Variants in TENM2 observed in about 807,000 individuals in gnomAD.
TENM2 encodes teneurin transmembrane protein 2.
Under a neutral mutation model 245.2 loss-of-function variants are expected in TENM2, and 52 were observed. The ratio of observed to expected loss-of-function variants is 0.21; its 90% CI spans 0.17 to 0.27. The LOEUF (loss-of-function observed/expected upper bound fraction) is 0.27, where lower values mean the gene tolerates loss of function less well. Ranked by LOEUF, TENM2 falls within the 10% of genes least tolerant of loss-of-function variation. TENM2 has a pLI of 1.00. For synonymous variants in TENM2, 1,363 were observed against 1,438.9 expected (o/e 0.95, Z 1.19); for missense variants, 3,046 against 3,666.8 (o/e 0.83, Z 4.37).
chr5:167,506,497 G>T (rs1180012155), intron 2 of TENM2, among the ~76,000 whole-genome samples: 13 of 152,026 alleles, frequency 8.6e-5, no homozygotes, highest in Non-Finnish European at 1.3e-4. Flanking sequence ...AAAATAATTT[G>T]GTATCTTATC....
intron 1 of TENM2, among the ~76,000 whole-genome samples, chr5:167,333,794 T>A (rs898545539): frequency 6.6e-6 from 1 of 152,184 alleles, no homozygotes; most frequent in Non-Finnish European, 1.5e-5. Context: ...AACCTGCCTC[T>A]TAGAAAATCA....
the TENM2 span, among the ~76,000 whole-genome samples, chr5:167,238,693 G>GAAA: frequency 1.2e-5 from 1 of 86,480 alleles, no homozygotes; most frequent in African/African-American, 6.8e-5. Flanking sequence ...TACAGGAGAT[G>GAAA]CAAAAAAAAA....
intron 2 of TENM2, among the ~76,000 whole-genome samples, chr5:167,859,744 C>A: frequency 1.0e-5 from 1 of 97,174 alleles, no homozygotes; most frequent in East Asian, 3.6e-4. Context: ...GGGGGATCAG[C>A]CCCCCGCCCG....
At chr5:167,454,676 T>C (rs1215506114) in intron 2 of TENM2, among the ~76,000 whole-genome samples, 1 of 152,192 alleles carries the variant, frequency 6.6e-6, no homozygotes, top group African/African-American at 2.4e-5. Context: ...CCGTTGGTTC[T>C]ATTTTCCTCT....
intron 20 of TENM2, among the ~76,000 whole-genome samples, chr5:168,213,739 C>T (rs747627614): frequency 1.3e-5 from 2 of 151,978 alleles, no homozygotes; most frequent in Non-Finnish European, 2.9e-5. Context: ...GAGGCTGAGG[C>T]GGGAGGACCA....
At chr5:167,121,329 G>T in the TENM2 span, among the ~76,000 whole-genome samples, 1 of 152,102 alleles carries the variant, frequency 6.6e-6, no homozygotes, top group Non-Finnish European at 1.5e-5. Context: ...CAGTGGGGTG[G>T]CCAGTTAGGG....
chr5:167,367,765 A>G (rs1033899101), intron 1 of TENM2, among the ~76,000 whole-genome samples: 2 of 152,142 alleles, frequency 1.3e-5, no homozygotes, highest in African/African-American at 4.8e-5. Flanking sequence ...AATGCGAGAT[A>G]ACAATTTGGC....
At chr5:168,074,900 A>C (rs1791331738) in intron 7 of TENM2, among the ~76,000 whole-genome samples, 1 of 152,204 alleles carries the variant, frequency 6.6e-6, no homozygotes, top group African/African-American at 2.4e-5. Flanking sequence ...AATCAACTTA[A>C]TTTAGGTATA....
intron 2 of TENM2, among the ~76,000 whole-genome samples, chr5:167,717,181 C>T (rs1233559881): frequency 6.6e-6 from 1 of 151,998 alleles, no homozygotes. Flanking sequence ...GCCTCGAACT[C>T]CTGGCCTCAA....
chr5:167,702,552 G>GTA (rs374895330), intron 2 of TENM2, among the ~76,000 whole-genome samples: 6,323 of 136,716 alleles, frequency 0.046, 327 homozygotes, highest in African/African-American at 0.14. Flanking sequence ...GTGTGTGTGT[G>GTA]TATATATATA....
chr5:167,575,341 T>G (rs760081857), intron 2 of TENM2, among the ~76,000 whole-genome samples: 1 of 152,180 alleles, frequency 6.6e-6, no homozygotes, highest in African/African-American at 2.4e-5. Flanking sequence ...CTTCAGTACC[T>G]GTACTAGGTT....
At chr5:168,237,030 T>C (rs1765566958) in intron 25 of TENM2, among the ~76,000 whole-genome samples, 1 of 82,924 alleles carries the variant, frequency 1.2e-5, no homozygotes, top group Non-Finnish European at 2.3e-5. Flanking sequence ...TTTTTTTTTT[T>C]TTTGAGACAG....
intron 1 of TENM2, among the ~76,000 whole-genome samples, chr5:167,336,189 T>TA: frequency 6.8e-6 from 1 of 147,706 alleles, no homozygotes; most frequent in East Asian, 2.0e-4. Context: ...TTTTTTTTTT[T>TA]TTTTTTTTTT....
intron 2 of TENM2, among the ~76,000 whole-genome samples, chr5:167,446,593 C>T (rs1199088907): frequency 6.6e-6 from 1 of 152,050 alleles, no homozygotes; most frequent in East Asian, 1.9e-4. Flanking sequence ...TCTTAGTTTG[C>T]CTGAACTGTT....
chr5:167,435,154 G>T (rs1262606025), intron 2 of TENM2, among the ~76,000 whole-genome samples: 1 of 97,724 alleles, frequency 1.0e-5, no homozygotes, highest in African/African-American at 4.4e-5. Flanking sequence ...GTAGTTTCAT[G>T]GGGGGGAAAG....
intron 2 of TENM2, among the ~76,000 whole-genome samples, chr5:167,761,563 T>C (rs1762671507): frequency 6.6e-6 from 1 of 151,880 alleles, no homozygotes; most frequent in Non-Finnish European, 1.5e-5. Flanking sequence ...AAAGGGAAAA[T>C]ATCAAAAGGG....
chr5:167,140,375 G>T, the TENM2 span, among the ~76,000 whole-genome samples: 1,728 of 152,204 alleles, frequency 0.011, 29 homozygotes, highest in African/African-American at 0.039. Context: ...CTATCAAATA[G>T]TAGGTCTTAT....
At chr5:167,230,676 T>TAAAGAA in the TENM2 span, among the ~76,000 whole-genome samples, 1 of 152,170 alleles carries the variant, frequency 6.6e-6, no homozygotes, top group Admixed American at 6.5e-5. Flanking sequence ...TCTGGCCTCC[T>TAAAGAA]CATTTTCTAA....
intron 2 of TENM2, among the ~76,000 whole-genome samples, chr5:167,384,130 G>A (rs188192210): frequency 1.3e-5 from 2 of 152,166 alleles, no homozygotes; most frequent in Admixed American, 1.3e-4. Context: ...AATTCTCTCT[G>A]CTGACTTTCA....
Sources: allele counts gnomAD v4.1 joint callset (sites outside exome capture counted in the v4.1 genomes callset), GRCh38; gene constraint gnomAD v4.1.1; transcripts MANE v1.5; gene names NCBI Gene and HGNC (gene_info 2026-07-23, HGNC 2026-07-21).